Variants in PUM1 observed in about 807,000 individuals in gnomAD.
PUM1 encodes pumilio RNA binding family member 1.
Under a neutral mutation model 131.8 loss-of-function variants are expected in PUM1, and 13 were observed. The ratio of observed to expected loss-of-function variants is 0.10; its 90% CI spans 0.06 to 0.16. The LOEUF (loss-of-function observed/expected upper bound fraction) is 0.16. Among genes scored for constraint, PUM1 ranks in the 10% least tolerant of loss-of-function variants. The pLI is 1.00. For synonymous variants in PUM1, 509 were observed against 556.5 expected (o/e 0.91, Z 1.20); for missense variants, 961 against 1,512.4 (o/e 0.64, Z 6.05).
intron 5 of PUM1, 44 bp from the exon 6 acceptor site, chr1:30,995,264 A>G (rs994959561): frequency 6.2e-7 from 1 of 1,607,460 alleles, no homozygotes; most frequent in African/African-American, 1.3e-5. Flanking sequence ...TCATCAACTA[A>G]TAATAACGGG....
At position 31,059,192 on chromosome 1, in the gene PUM1, A is replaced by G. The variant is rs1644316748; in HGVS notation, c.363+12T>C. ...AGGAATGTCAAAGCTAAAATAGTGA[A>G]CTTTTTTTTACCTGATGTTCTGCAT... On this transcript the variant is annotated intron_variant, in intron 2 of 21. Transcript: ENST00000426105. The G allele has an allele frequency of 1.3e-6, 2 of 1,544,010 alleles. No homozygotes were observed. The highest frequency in any genetic ancestry group is 2.8e-5 in the African/African-American group (2 of 72,454).
intron 7 of PUM1, among the ~76,000 whole-genome samples, chr1:30,991,374 A>T (rs1250949447): frequency 6.6e-6 from 1 of 152,204 alleles, no homozygotes; most frequent in Non-Finnish European, 1.5e-5. Flanking sequence ...TTGTTCATAA[A>T]CGACACAGGA....
intron 5 of PUM1, among the ~76,000 whole-genome samples, chr1:31,003,567 G>A (rs547646096): frequency 1.3e-5 from 2 of 152,122 alleles, no homozygotes; most frequent in African/African-American, 4.8e-5. Context: ...GACCAGCCTG[G>A]CCAACATGGG....
chr1:30,957,690 T>C (rs915871574), intron 14 of PUM1, among the ~76,000 whole-genome samples: 2 of 152,234 alleles, frequency 1.3e-5, no homozygotes, highest in African/African-American at 4.8e-5. Flanking sequence ...GTCATGCCCA[T>C]GCTACGTCAA....
chr1:31,025,500 T>A lies in PUM1; in HGVS notation c.432+3296A>T, dbSNP rs140965881. Among the ~76,000 whole-genome samples, 349 of 151,988 alleles carry A rather than the reference T, an allele frequency of 2.3e-3. 3 individuals are homozygous for A. The highest frequency in any genetic ancestry group is 8.0e-3 in the African/African-American group (331 of 41,470). ...GGTGCCTAGCTTAAAAGTCATGCAATTTACTTCTAGTGTTTATATGGGTAA... is the reference window on the plus strand; with the variant it reads ...GGTGCCTAGCTTAAAAGTCATGCAAATTACTTCTAGTGTTTATATGGGTAA... On this transcript the variant is annotated intron_variant, in intron 3 of 21. Transcript: ENST00000426105.
chr1:30,947,864 G>C (rs568297092), intron 17 of PUM1, among the ~76,000 whole-genome samples: 165 of 151,884 alleles, frequency 1.1e-3, no homozygotes, highest in African/African-American at 3.9e-3. Flanking sequence ...GTGTCAGAAG[G>C]GAATAAATTT....
At chr1:30,964,947 C>A in intron 13 of PUM1, 37 bp from the exon 14 acceptor site, 1 of 1,563,842 alleles carries the variant, frequency 6.4e-7, no homozygotes, top group Non-Finnish European at 8.8e-7. Context: ...TAAGAACAGG[C>A]CTGTTCTTCG....
intron 5 of PUM1, among the ~76,000 whole-genome samples, chr1:31,004,005 A>AT (rs1173053123): frequency 6.6e-6 from 1 of 152,172 alleles, no homozygotes; most frequent in Non-Finnish European, 1.5e-5. Flanking sequence ...ATTTATCTTT[A>AT]TGCATACCTC....
At chr1:31,032,233 G>A (rs2124552918) in intron 2 of PUM1, among the ~76,000 whole-genome samples, 1 of 152,240 alleles carries the variant, frequency 6.6e-6, no homozygotes, top group East Asian at 1.9e-4. Flanking sequence ...CTGCCACAGG[G>A]CAGACTCTCC....
At chr1:30,961,925 T>C (rs1394452357) in intron 14 of PUM1, among the ~76,000 whole-genome samples, 1 of 152,204 alleles carries the variant, frequency 6.6e-6, no homozygotes, top group East Asian at 1.9e-4. Flanking sequence ...AGTGAAGTAG[T>C]ATTAACAACA....
intron 2 of PUM1, among the ~76,000 whole-genome samples, chr1:31,047,142 T>C (rs1303937978): frequency 2.6e-5 from 4 of 152,064 alleles, no homozygotes; most frequent in East Asian, 1.9e-4. Flanking sequence ...TAAGCCGAGA[T>C]TGCACCATTG....
At chr1:31,063,288 T>C (rs1199462536) in intron 1 of PUM1, among the ~76,000 whole-genome samples, 1 of 152,140 alleles carries the variant, frequency 6.6e-6, no homozygotes, top group East Asian at 1.9e-4. Flanking sequence ...ACTCTCAATG[T>C]TTTGGGTTTT....
At chr1:30,960,647 T>C (rs1268278043) in intron 14 of PUM1, among the ~76,000 whole-genome samples, 2 of 152,040 alleles carry the variant, frequency 1.3e-5, no homozygotes, top group African/African-American at 2.4e-5. Context: ...CTATTTGTAA[T>C]AGCATCAAAA....
At chr1:30,942,204 T>TATATAC (rs1318317536) in intron 18 of PUM1, 81 bp from the exon 19 acceptor site, 1 of 64,116 alleles carries the variant, frequency 1.6e-5, no homozygotes, top group Non-Finnish European at 3.7e-5. Context: ...TATATATATA[T>TATATAC]ATATATATAT....
At chr1:30,967,011 A>G in intron 12 of PUM1, 156 bp downstream of exon 12, 1 of 877,494 alleles carries the variant, frequency 1.1e-6, no homozygotes, top group Non-Finnish European at 1.6e-6. Flanking sequence ...GAATCCACTA[A>G]GGTCACTTAT....
chr1:30,972,721 C>T lies in PUM1; in HGVS notation c.1506+1930G>A, dbSNP rs188232302. On this transcript the variant is annotated intron_variant, in intron 10 of 21. Coordinates refer to ENST00000426105, the MANE Select transcript of PUM1 (RefSeq NM_001020658.2). ...CCCAGGAGGCAGAGGTTGCAGCGAG[C>T]CAAGAGCTCACTGCACTCCAGCCTG... 6.5e-3 allele frequency among the ~76,000 whole-genome samples: 975 copies of T among 150,694 alleles called. 9 individuals are homozygous for T. Among genetic ancestry groups the T allele is most frequent in the Middle Eastern group, 0.014 (4 of 286 alleles).
At position 31,051,199 on chromosome 1, in the gene PUM1, T is replaced by G. The variant is rs527280453; in HGVS notation, c.363+8005A>C. Reference sequence around the variant, plus strand: ...TAACAGCACTGAAGAGTAAGACTGGTTGACATGTCAGGGGTGGGTATCAGA... The same window carrying G: ...TAACAGCACTGAAGAGTAAGACTGGGTGACATGTCAGGGGTGGGTATCAGA... On this transcript the variant is annotated intron_variant, in intron 2 of 21. Coordinates refer to ENST00000426105, the MANE Select transcript of PUM1 (RefSeq NM_001020658.2). 2.0e-5 allele frequency among the ~76,000 whole-genome samples: 3 copies of G among 151,476 alleles called. 1 individual carries two copies. Among genetic ancestry groups the G allele is most frequent in the African/African-American group, 7.2e-5 (3 of 41,386 alleles).
chr1:31,043,355 C>CA (rs1643883446), intron 2 of PUM1, among the ~76,000 whole-genome samples: 1 of 151,842 alleles, frequency 6.6e-6, no homozygotes, highest in African/African-American at 2.4e-5. Flanking sequence ...GGCACCCCCC[C>CA]ATCATGTCCG....
chr1:30,967,704 T>C (rs1640681303), intron 11 of PUM1, among the ~76,000 whole-genome samples: 1 of 152,232 alleles, frequency 6.6e-6, no homozygotes, highest in Non-Finnish European at 1.5e-5. Context: ...AAGTTATTTA[T>C]TGAATTCATA....
Sources: allele counts gnomAD v4.1 joint callset (sites outside exome capture counted in the v4.1 genomes callset), GRCh38; gene constraint gnomAD v4.1.1; transcripts MANE v1.5; gene names NCBI Gene and HGNC (gene_info 2026-07-23, HGNC 2026-07-21).